MED12L: variants seen among roughly 807,000 people sequenced by gnomAD.
MED12L encodes mediator of RNA polymerase II transcription subunit 12-like protein.
Under a neutral mutation model 281.3 loss-of-function variants are expected in MED12L, and 60 were observed. The observed-to-expected ratio is 0.21, with a 90% CI of 0.17 to 0.26. MED12L has a LOEUF of 0.26. MED12L is among the 10% of genes least tolerant of loss of function. MED12L has a pLI of 1.00. For synonymous variants in MED12L, 974 were observed against 987.2 expected (o/e 0.99, Z 0.25); for missense variants, 2,146 against 2,680.9 (o/e 0.80, Z 4.41).
At chr3:151,324,047 T>G (rs1435422016) in intron 16 of MED12L, among the ~76,000 whole-genome samples, 1 of 152,186 alleles carries the variant, frequency 6.6e-6, no homozygotes, top group African/African-American at 2.4e-5. Flanking sequence ...CCAGAGCAGT[T>G]GAGGTGCTGG....
chr3:151,309,143 A>G (rs992838251), intron 16 of MED12L, among the ~76,000 whole-genome samples: 109 of 141,082 alleles, frequency 7.7e-4, no homozygotes, highest in African/African-American at 2.3e-3. Flanking sequence ...ACACACACGC[A>G]CACACACACA....
At chr3:151,345,517 CTT>C (rs201731496) in intron 16 of MED12L, among the ~76,000 whole-genome samples, 8 of 131,630 alleles carry the variant, frequency 6.1e-5, no homozygotes, top group Non-Finnish European at 6.5e-5. Flanking sequence ...TTTTCTTTTT[CTT>C]TTTTTTTTTT....
intron 39 of MED12L, among the ~76,000 whole-genome samples, chr3:151,399,208 T>C (rs1023223190): frequency 4.6e-5 from 7 of 152,330 alleles, no homozygotes; most frequent in East Asian, 1.9e-4. Flanking sequence ...AGTTAATGAT[T>C]AAGTATGTGT....
intron 43 of MED12L, among the ~76,000 whole-genome samples, chr3:151,419,480 A>G (rs747236062): frequency 2.0e-5 from 3 of 152,144 alleles, no homozygotes; most frequent in Non-Finnish European, 4.4e-5. Flanking sequence ...AGCTGATTAG[A>G]TGGTGCCCAC....
intron 16 of MED12L, chr3:151,261,560 A>C (rs939362025): frequency 5.3e-5 from 8 of 152,134 alleles, no homozygotes; most frequent in Non-Finnish European, 1.0e-4. Context: ...GGTGGTTCTC[A>C]AAGTGTGGTT....
chr3:151,314,463 G>T lies in MED12L; in HGVS notation c.2251-35596G>T, dbSNP rs370721919. On this transcript the variant is annotated intron_variant, in intron 16 of 44. Coordinates refer to ENST00000687756, the MANE Select transcript of MED12L (RefSeq NM_001393769.1). ...GCAGGGTCACCTTGCATTTGCTTCT[G>T]CTCTTGCCTCCCTGCTTTAGATAGT... Among the ~76,000 whole-genome samples, 50 of 152,266 alleles carry T rather than the reference G, an allele frequency of 3.3e-4. 1 individual carries two copies. The highest frequency in any genetic ancestry group is 1.2e-3 in the African/African-American group (48 of 41,554).
At chr3:151,237,205 A>C (rs1244231094) in intron 16 of MED12L, among the ~76,000 whole-genome samples, 1 of 150,688 alleles carries the variant, frequency 6.6e-6, no homozygotes, top group African/African-American at 2.4e-5. Context: ...CGCCCAGCTA[A>C]TTTTTTGTAT....
chr3:151,169,435 G>A (rs1721151196), intron 11 of MED12L, among the ~76,000 whole-genome samples: 1 of 152,000 alleles, frequency 6.6e-6, no homozygotes, highest in Admixed American at 6.6e-5. Flanking sequence ...TTTCTTGACT[G>A]CAGAGTCACT....
intron 5 of MED12L, among the ~76,000 whole-genome samples, chr3:151,151,645 A>G (rs537444450): frequency 6.6e-6 from 1 of 152,222 alleles, no homozygotes; most frequent in African/African-American, 2.4e-5. Flanking sequence ...CAGCCAGAAC[A>G]CACGCAACAT....
chr3:151,196,905 T>C (rs1328659476), intron 16 of MED12L, among the ~76,000 whole-genome samples: 1 of 152,238 alleles, frequency 6.6e-6, no homozygotes, highest in East Asian at 1.9e-4. Context: ...TTTCCTAGCT[T>C]TCAGGAACAC....
chr3:151,165,823 A>G, intron 10 of MED12L, 23 bp from the exon 11 acceptor site: 1 of 1,605,424 alleles, frequency 6.2e-7, no homozygotes, highest in Non-Finnish European at 8.5e-7. Flanking sequence ...CTCATTAACC[A>G]CTTGTTTAAT....
At chr3:151,354,014 G>A (rs34968121) in intron 17 of MED12L, among the ~76,000 whole-genome samples, 65,469 of 148,006 alleles carry the variant, frequency 0.44, 15,285 homozygotes, top group East Asian at 0.63. Flanking sequence ...AGTGGCGGGC[G>A]CCTGTAGTCC....
intron 16 of MED12L, chr3:151,212,660 C>T (rs1727364412): frequency 6.6e-6 from 1 of 151,774 alleles, no homozygotes; most frequent in South Asian, 2.1e-4. Context: ...TATCTAATAT[C>T]CTCAAAGTGC....
chr3:151,156,634 A>AT (rs1052447561), intron 6 of MED12L, among the ~76,000 whole-genome samples: 1 of 152,188 alleles, frequency 6.6e-6, no homozygotes, highest in African/African-American at 2.4e-5. Context: ...AATTGGATAT[A>AT]TTTATTTAAA....
chr3:151,178,181 A>AAAAAAAAAAAAG (rs1560124057), intron 11 of MED12L, among the ~76,000 whole-genome samples: 132 of 149,408 alleles, frequency 8.8e-4, no homozygotes, highest in African/African-American at 2.8e-3. Flanking sequence ...AAAAAAAAAA[A>AAAAAAAAAAAAG]AAAGAAAGTG....
chr3:151,153,585 T>TC (rs1718868883), intron 5 of MED12L, among the ~76,000 whole-genome samples: 1 of 147,518 alleles, frequency 6.8e-6, no homozygotes, highest in African/African-American at 2.5e-5. Flanking sequence ...TTTTTTTTTT[T>TC]TGAGACAGAC....
intron 16 of MED12L, chr3:151,328,570 C>A: frequency 6.2e-7 from 1 of 1,613,538 alleles, no homozygotes; most frequent in Non-Finnish European, 8.5e-7. Flanking sequence ...AGATTGAGAC[C>A]GTTTTTGCAA....
At chr3:151,335,818 T>C (rs957976869) in intron 16 of MED12L, among the ~76,000 whole-genome samples, 1 of 152,236 alleles carries the variant, frequency 6.6e-6, no homozygotes, top group Non-Finnish European at 1.5e-5. Flanking sequence ...GAGTTTTATG[T>C]AAAATTTCCA....
chr3:151,413,711 A>C (rs766205764), intron 42 of MED12L, among the ~76,000 whole-genome samples: 9 of 152,184 alleles, frequency 5.9e-5, no homozygotes, highest in Non-Finnish European at 1.0e-4. Flanking sequence ...ATCTAAAAAC[A>C]TTTCTATAAC....
Sources: gnomAD v4.1 joint callset for allele counts (sites outside exome capture counted in the v4.1 genomes callset) on GRCh38, gnomAD v4.1.1 for gene constraint, MANE v1.5 for transcripts, NCBI Gene and HGNC (gene_info 2026-07-23, HGNC 2026-07-21) for gene names.